The following SLC23A2 variants were observed in gnomAD, a reference collection of about 807,000 sequenced individuals.
The protein encoded by SLC23A2 is Na(+)/L-ascorbic acid transporter 2.
SLC23A2 carries 36 observed loss-of-function variants against 73.3 expected under a neutral mutation model. The ratio of observed to expected loss-of-function variants is 0.49; its 90% confidence interval spans 0.38 to 0.65. SLC23A2 has a LOEUF of 0.65. Among genes scored for constraint, SLC23A2 ranks in the 30% least tolerant of loss-of-function variants. The pLI, the probability that SLC23A2 is intolerant of heterozygous loss-of-function variation, is 0.00. For missense variants in SLC23A2, 507 were observed against 841.6 expected (o/e 0.60, Z 4.92); for synonymous variants, 343 against 327.3 (o/e 1.05, Z -0.52).
chr20:4,930,312 A>T (rs1458313103), intron 3 of SLC23A2, among the ~76,000 whole-genome samples: 1 of 152,240 alleles, frequency 6.6e-6, no homozygotes, highest in Non-Finnish European at 1.5e-5. Context: ...AATCTTGAAC[A>T]ACTGGACTGA....
chr20:4,934,798 C>T (rs866082998), intron 2 of SLC23A2, among the ~76,000 whole-genome samples: 4 of 150,858 alleles, frequency 2.7e-5, no homozygotes, highest in Admixed American at 1.3e-4. Flanking sequence ...GGGAGCCGGA[C>T]GTTGCAGTGA....
In SLC23A2 at chr20:4,863,959, T is replaced by C. The variant is rs552919795; in HGVS notation, c.1357-1052A>G. On this transcript the variant is annotated intron_variant, in intron 13 of 16. Transcript: ENST00000338244. The surrounding 1 kb of genome is among the most constrained non-coding windows in gnomAD (Gnocchi z 4.8). Reference sequence around the variant, plus strand: ...CTAGCCTGCTGTCACCAGTCATGGGTTGGGATGGCCCTCTGTGTCTCAACG... The same window carrying C: ...CTAGCCTGCTGTCACCAGTCATGGGCTGGGATGGCCCTCTGTGTCTCAACG... Among the ~76,000 whole-genome samples, 57 of 152,234 alleles carry C rather than the reference T, an allele frequency of 3.7e-4. No homozygotes were observed. The highest frequency in any genetic ancestry group is 1.5e-3 in the Admixed American group (23 of 15,292).
chr20:4,886,129 C>A (rs2122834555), intron 6 of SLC23A2: 1 of 495,440 alleles, frequency 2.0e-6, no homozygotes, highest in Non-Finnish European at 3.6e-6. Context: ...CCCACCCAGG[C>A]AGCTCCAGGG....
At chr20:4,876,567 G>A (rs1335728973) in intron 9 of SLC23A2, among the ~76,000 whole-genome samples, 2 of 152,316 alleles carry the variant, frequency 1.3e-5, no homozygotes, top group Non-Finnish European at 1.5e-5. Flanking sequence ...GGGATGAAGC[G>A]TTCTAGCCCC....
chr20:4,957,008 T>C (rs1402630969), intron 2 of SLC23A2, among the ~76,000 whole-genome samples: 1 of 152,022 alleles, frequency 6.6e-6, no homozygotes, highest in East Asian at 1.9e-4. Flanking sequence ...GGTTTCTCCA[T>C]GTTAATCAGG....
In SLC23A2 at chr20:4,951,110, T is replaced by A. The variant is rs141643840; in HGVS notation, c.-154-18394A>T. ...CAAGAACGGTATTCAGGACATGCTG[T>A]GAAGACTCTAACATCAGAGAAGATT... On this transcript the variant is annotated intron_variant, in intron 2 of 16. Transcript: ENST00000338244. Among the ~76,000 whole-genome samples the A allele has an allele frequency of 3.9e-3, 588 of 152,268 alleles. 8 individuals are homozygous for A. The highest frequency in any genetic ancestry group is 0.013 in the African/African-American group (554 of 41,552).
chr20:5,001,655 C>T (rs1474790102), upstream of SLC23A2, among the ~76,000 whole-genome samples: 1 of 150,228 alleles, frequency 6.7e-6, no homozygotes, highest in Admixed American at 6.6e-5. Context: ...CGGCAGCGCT[C>T]CCCGGAACAT....
Position 4,857,067 on chromosome 20 carries a change from G to A in SLC23A2, c.1858C>T (p.Pro620Ser). ...IKKYRCFSYL[P>S]ISPTFVGYTW... ...TAGCCCACAAAGGTTGGGCTGATGG[G>A]TAAGTAGCTGAAGCATCTGTATTTT... The change falls in exon 17 of 17, where the codon CCC becomes TCC. Residue 620 changes from proline (P) to serine (S), a missense_variant. Coordinates refer to ENST00000338244, the MANE Select transcript of SLC23A2 (RefSeq NM_005116.6). This position sits in a 1 kb window ranked among gnomAD's most constrained non-coding sequence, Gnocchi z 4.0. 6.2e-7 allele frequency: 1 copy of A among 1,614,014 alleles called. No homozygotes were observed. The highest frequency in any genetic ancestry group is 8.5e-7 in the Non-Finnish European group (1 of 1,179,874).
rs954423353 is a variant in SLC23A2 at position 4,973,665 on chromosome 20, C to T, written c.-281-2746G>A. 6.6e-5 allele frequency among the ~76,000 whole-genome samples: 10 copies of T among 152,164 alleles called. No individual in the cohort carries two copies. In the East Asian group the frequency reaches 1.9e-3, roughly 29 times the overall value. The stretch of plus-strand genomic sequence containing the variant: ...TCTGGCAGAGCGCTCCGCTGAATGC[C>T]CCTCCCATTCGTGGGTTCCACCGCA... On this transcript the variant is annotated intron_variant, in intron 1 of 16. Coordinates refer to ENST00000338244, the MANE Select transcript of SLC23A2 (RefSeq NM_005116.6).
intron 13 of SLC23A2, among the ~76,000 whole-genome samples, chr20:4,866,351 G>A (rs1930200395): frequency 6.6e-6 from 1 of 152,174 alleles, no homozygotes; most frequent in Non-Finnish European, 1.5e-5. Context: ...CAGAGGGCCG[G>A]CTATCTTATT....
chr20:4,910,859 T>A (rs1362090101), intron 4 of SLC23A2, among the ~76,000 whole-genome samples: 1 of 152,202 alleles, frequency 6.6e-6, no homozygotes, highest in Non-Finnish European at 1.5e-5. Flanking sequence ...AATACAAATG[T>A]ATCAATGTTT....
chr20:4,986,136 C>A (rs951519004), intron 1 of SLC23A2, among the ~76,000 whole-genome samples: 2 of 152,020 alleles, frequency 1.3e-5, no homozygotes, highest in African/African-American at 4.8e-5. Context: ...AAATTTTTAT[C>A]ATGAAATCCG....
Position 4,977,551 on chromosome 20 carries a change from A to G in SLC23A2, c.-281-6632T>C, listed in dbSNP as rs190236360. Among the ~76,000 whole-genome samples the G allele has an allele frequency of 5.3e-3, 804 of 151,922 alleles. 9 individuals carry two copies. Among genetic ancestry groups the G allele is most frequent in the Non-Finnish European group, 7.3e-3 (498 of 67,932 alleles). On this transcript the variant is annotated intron_variant, in intron 1 of 16. Transcript: ENST00000338244. ...ACTCTACTAAAAAACTACAAAAATT[A>G]GCTGGGCATGGTGGCATGCACCTGT...
rs117115740 is a variant in SLC23A2 at position 4,857,715 on chromosome 20, G to C, written c.1721-511C>G. 6.6e-6 allele frequency among the ~76,000 whole-genome samples: 1 copy of C among 152,144 alleles called. No individual in the cohort carries two copies. The highest frequency in any genetic ancestry group is 1.9e-4 in the East Asian group (1 of 5,184). On this transcript the variant is annotated intron_variant, in intron 16 of 16. Transcript: ENST00000338244. This position sits in a 1 kb window ranked among gnomAD's most constrained non-coding sequence, Gnocchi z 4.0. Reference sequence around the variant, plus strand: ...GGAGGCCGAGGTGAGAGGATCACATGAAGTCAGGAGTTCGAGACCAGCCTA... The same window carrying C: ...GGAGGCCGAGGTGAGAGGATCACATCAAGTCAGGAGTTCGAGACCAGCCTA...
chr20:4,942,427 T>TA (rs988897928), intron 2 of SLC23A2, among the ~76,000 whole-genome samples: 3 of 123,364 alleles, frequency 2.4e-5, no homozygotes, highest in African/African-American at 9.2e-5. Context: ...ACCTGACAGA[T>TA]AAAAAAAATC....
At chr20:4,960,831 T>G (rs2087370104) in intron 2 of SLC23A2, among the ~76,000 whole-genome samples, 1 of 152,154 alleles carries the variant, frequency 6.6e-6, no homozygotes, top group South Asian at 2.1e-4. Flanking sequence ...GAAGCAAAAA[T>G]GACATGTTTA....
chr20:4,900,045 AT>A (rs1211816489), intron 5 of SLC23A2, among the ~76,000 whole-genome samples: 5 of 151,314 alleles, frequency 3.3e-5, no homozygotes, highest in Admixed American at 3.3e-4. Flanking sequence ...TTATTTTTGT[AT>A]TTTTTGTAGC....
intron 1 of SLC23A2, among the ~76,000 whole-genome samples, chr20:5,007,752 A>G (rs906486845): frequency 6.6e-6 from 1 of 152,132 alleles, no homozygotes; most frequent in Non-Finnish European, 1.5e-5. Flanking sequence ...TATTCTGAAC[A>G]TTTAGTATAA....
intron 9 of SLC23A2, among the ~76,000 whole-genome samples, chr20:4,881,558 G>C (rs972137354): frequency 5.3e-5 from 8 of 152,160 alleles, no homozygotes; most frequent in Non-Finnish European, 1.0e-4. Context: ...CTCTTATCCT[G>C]CTTAGCTTTG....
Sources: gnomAD v4.1 joint callset for allele counts (sites outside exome capture counted in the v4.1 genomes callset) on GRCh38, gnomAD v4.1.1 for gene constraint, Gnocchi (gnomAD v3.1) non-coding constraint, MANE v1.5 for transcripts, NCBI Gene and HGNC (gene_info 2026-07-23, HGNC 2026-07-21) for gene names.